ERICH1: variants seen among roughly 807,000 people sequenced by gnomAD.
ERICH1 encodes glutamate-rich protein 1.
A neutral mutation model predicts 39.6 loss-of-function variants in ERICH1; 56 were observed. The observed-to-expected ratio is 1.41, with a 90% CI of 1.14 to 1.77. The LOEUF (loss-of-function observed/expected upper bound fraction) is 1.77. Ranked by LOEUF, ERICH1 falls within the 40% of genes most tolerant of loss-of-function variation. The probability of loss-of-function intolerance (pLI) is 0.00; values close to 1 mark genes in which losing one functional copy is unlikely to be tolerated. For missense variants in ERICH1, 826 were observed against 575.4 expected (o/e 1.44, Z -4.45); for synonymous variants, 313 against 223.6 (o/e 1.40, Z -3.57).
chr8:673,182 T>A, intron 4 of ERICH1, 107 bp downstream of exon 4: 1 of 1,308,626 alleles, frequency 7.6e-7, no homozygotes, highest in Non-Finnish European at 1.0e-6. Context: ...TTATTTTACA[T>A]TGAATATTTT....
At chr8:721,766 T>C (rs1266144637) in intron 1 of ERICH1, among the ~76,000 whole-genome samples, 1 of 151,992 alleles carries the variant, frequency 6.6e-6, no homozygotes, top group Non-Finnish European at 1.5e-5. Flanking sequence ...AAACGAAAGG[T>C]TTTTTCCCTC....
At chr8:708,692 T>TTG (rs1813959621) in intron 2 of ERICH1, among the ~76,000 whole-genome samples, 1 of 17,686 alleles carries the variant, frequency 5.7e-5, no homozygotes. Context: ...TTTTTTTTTT[T>TTG]TTTTTTTTTT....
At chr8:730,787 G>A (rs1013989467) in intron 1 of ERICH1, among the ~76,000 whole-genome samples, 22 of 152,204 alleles carry the variant, frequency 1.4e-4, no homozygotes, top group African/African-American at 4.3e-4. Context: ...GGAGCCCTGG[G>A]CTAGGACCCC....
intron 2 of ERICH1, among the ~76,000 whole-genome samples, chr8:707,718 T>C (rs1813635027): frequency 1.3e-5 from 2 of 152,194 alleles, no homozygotes; most frequent in South Asian, 2.1e-4. Context: ...GCATAAATCT[T>C]TGTGGCCTTT....
intron 3 of ERICH1, among the ~76,000 whole-genome samples, chr8:689,779 G>C (rs1048571708): frequency 6.6e-6 from 1 of 152,208 alleles, no homozygotes; most frequent in Admixed American, 6.5e-5. Flanking sequence ...CTACACAGGA[G>C]AAGACGGACG....
chr8:719,448 C>T (rs1816788260), intron 1 of ERICH1, among the ~76,000 whole-genome samples: 1 of 152,280 alleles, frequency 6.6e-6, no homozygotes, highest in Non-Finnish European at 1.5e-5. Context: ...CTGGTGCCCA[C>T]ATCTGGCTGA....
chr8:635,518 G>A (rs113442165), intron 3 of ERICH1, among the ~76,000 whole-genome samples: 3 of 152,306 alleles, frequency 2.0e-5, no homozygotes, highest in African/African-American at 7.2e-5. Flanking sequence ...TACATGGGTG[G>A]TCTTGGGAGC....
At chr8:718,980 G>A (rs1206756490) in intron 1 of ERICH1, among the ~76,000 whole-genome samples, 4 of 152,100 alleles carry the variant, frequency 2.6e-5, no homozygotes, top group African/African-American at 7.2e-5. Flanking sequence ...CTGTACCCAG[G>A]TGTGTTGTGC....
downstream of ERICH1, among the ~76,000 whole-genome samples, chr8:660,647 G>A (rs1801291870): frequency 6.6e-6 from 1 of 152,236 alleles, no homozygotes; most frequent in South Asian, 2.1e-4. Flanking sequence ...TTATGCAGAA[G>A]AAGAAAATTA....
At chr8:683,896 C>G (rs909344233) in intron 3 of ERICH1, among the ~76,000 whole-genome samples, 3 of 152,164 alleles carry the variant, frequency 2.0e-5, no homozygotes, top group Non-Finnish European at 4.4e-5. Context: ...AGATTAGTTC[C>G]TGAATTCTTC....
At chr8:717,130 G>A (rs891389811) in intron 1 of ERICH1, among the ~76,000 whole-genome samples, 7 of 152,100 alleles carry the variant, frequency 4.6e-5, no homozygotes, top group African/African-American at 7.2e-5. Context: ...CCACCTCCGC[G>A]GCTCCCAGAG....
At chr8:713,247 G>T (rs1194080300) in intron 2 of ERICH1, among the ~76,000 whole-genome samples, 2 of 152,248 alleles carry the variant, frequency 1.3e-5, no homozygotes, top group Non-Finnish European at 2.9e-5. Flanking sequence ...GAAGTATGGG[G>T]GGTTAGGGCT....
intron 2 of ERICH1, among the ~76,000 whole-genome samples, chr8:698,596 T>C (rs923012471): frequency 6.6e-6 from 1 of 152,106 alleles, no homozygotes; most frequent in African/African-American, 2.4e-5. Context: ...ATTGAAAAAT[T>C]ACACACTTCT....
chr8:635,714 C>T (rs116591203), intron 3 of ERICH1, among the ~76,000 whole-genome samples: 1,871 of 152,318 alleles, frequency 0.012, 33 homozygotes, highest in African/African-American at 0.042. Context: ...GCTCTAGCAA[C>T]GGGGTGTGAG....
intron 3 of ERICH1, among the ~76,000 whole-genome samples, chr8:623,316 A>G (rs574426471): frequency 1.3e-5 from 2 of 152,362 alleles, no homozygotes; most frequent in Non-Finnish European, 1.5e-5. Flanking sequence ...GACGCAGGAA[A>G]GAAATTTGAG....
At chr8:704,451 C>T (rs1472664887) in intron 2 of ERICH1, among the ~76,000 whole-genome samples, 1 of 151,986 alleles carries the variant, frequency 6.6e-6, no homozygotes, top group Non-Finnish European at 1.5e-5. Context: ...GAAATTAGTA[C>T]TATTAAGTAT....
intron 3 of ERICH1, among the ~76,000 whole-genome samples, chr8:635,248 T>C (rs562612068): frequency 6.6e-6 from 1 of 152,296 alleles, no homozygotes; most frequent in African/African-American, 2.4e-5. Flanking sequence ...TCCGAGCTTA[T>C]GAGTTTCCCT....
chr8:695,741 G>A (rs373826609), intron 2 of ERICH1, among the ~76,000 whole-genome samples: 52 of 58,344 alleles, frequency 8.9e-4, no homozygotes, highest in East Asian at 5.5e-3. Flanking sequence ...ATCAGCCTGC[G>A]CCTGTGCTGG....
intron 2 of ERICH1, among the ~76,000 whole-genome samples, chr8:703,859 G>T (rs978507048): frequency 6.6e-6 from 1 of 152,206 alleles, no homozygotes; most frequent in Non-Finnish European, 1.5e-5. Context: ...TGAAAGCAAA[G>T]AGGAGGAAAC....
Sources: gnomAD v4.1 joint callset for allele counts (sites outside exome capture counted in the v4.1 genomes callset) on GRCh38, gnomAD v4.1.1 for gene constraint, MANE v1.5 for transcripts, NCBI Gene and HGNC (gene_info 2026-07-23, HGNC 2026-07-21) for gene names.